The following PIWIL2 variants were observed in gnomAD, a reference collection of about 807,000 sequenced individuals.
PIWIL2 encodes piwi like RNA-mediated gene silencing 2, also known as piwi-like protein 2.
A neutral mutation model predicts 116.5 loss-of-function variants in PIWIL2; 81 were observed. The observed-to-expected ratio is 0.70, with a 90% CI of 0.58 to 0.84. PIWIL2 has a LOEUF of 0.84. Ranked by LOEUF, PIWIL2 falls within the 40% of genes least tolerant of loss-of-function variation. The pLI is 0.00. For synonymous variants in PIWIL2, 489 were observed against 429.5 expected (o/e 1.14, Z -1.71); for missense variants, 1,272 against 1,212.3 (o/e 1.05, Z -0.73).
At chr8:22,309,856 C>T in intron 14 of PIWIL2, 105 bp from the exon 15 acceptor site, 1 of 642,518 alleles carries the variant, frequency 1.6e-6, no homozygotes, top group Admixed American at 2.6e-5. Flanking sequence ...CTAACAGGGA[C>T]AAGTGTCTGT....
At chr8:22,329,150 G>T (rs1197927555) in intron 20 of PIWIL2, among the ~76,000 whole-genome samples, 1 of 152,000 alleles carries the variant, frequency 6.6e-6, no homozygotes, top group African/African-American at 2.4e-5. Context: ...CTCCTAATTT[G>T]CTGAGTATTT....
At position 22,281,225 on chromosome 8, in the gene PIWIL2, T is replaced by G; in HGVS notation, c.286+18T>G. 6.3e-7 allele frequency: 1 copy of G among 1,583,774 alleles called. No homozygotes were observed. Among genetic ancestry groups the G allele is most frequent in the Non-Finnish European group, 8.6e-7 (1 of 1,159,922 alleles). ...TCCATCAGGTATGTGGAAAACTAACTTGAGAAATTTGGTGGTATGTATGAT... is the reference window on the plus strand; with the variant it reads ...TCCATCAGGTATGTGGAAAACTAACGTGAGAAATTTGGTGGTATGTATGAT... On this transcript the variant is annotated intron_variant, in intron 3 of 22. Transcript: ENST00000356766.
intron 20 of PIWIL2, among the ~76,000 whole-genome samples, chr8:22,341,663 A>T (rs966645444): frequency 2.0e-5 from 3 of 151,700 alleles, no homozygotes; most frequent in Non-Finnish European, 4.4e-5. Context: ...TTTGATTTTT[A>T]AAATCTACAA....
chr8:22,318,102 C>A, intron 19 of PIWIL2, 68 bp from the exon 20 acceptor site: 2 of 949,170 alleles, frequency 2.1e-6, no homozygotes, highest in Admixed American at 1.9e-5. Flanking sequence ...TGACATAAGC[C>A]ATAGGCTGTC....
intron 10 of PIWIL2, among the ~76,000 whole-genome samples, chr8:22,295,180 C>T (rs946649147): frequency 4.6e-5 from 7 of 151,750 alleles, no homozygotes; most frequent in African/African-American, 2.4e-5. Context: ...CTCCTTTCTT[C>T]GAGACAAGGT....
At position 22,308,059 on chromosome 8, in the gene PIWIL2, A is replaced by T; in HGVS notation, c.1672A>T (p.Lys558Ter). 1 of 1,613,936 alleles carries T rather than the reference A, an allele frequency of 6.2e-7. No homozygotes were observed. The highest frequency in any genetic ancestry group is 8.5e-7 in the Non-Finnish European group (1 of 1,179,914). Residue 558 changes from lysine to a stop codon, truncating the protein, a stop_gained, in exon 14 of 23, where the codon AAG becomes TAG. Transcript: ENST00000356766. LOFTEE classifies it high-confidence loss of function. ...ELMRWGLRLQ[K>*]DVHKIEGRVL... is the part of the protein sequence containing the mutation. The stretch of plus-strand genomic sequence containing the variant: ...GATGCGTTGGGGGCTCCGTCTGCAA[A>T]AGGATGTACATAAGGTAAACCAAAA...
Position 22,318,035 on chromosome 8 carries a change from T to C in PIWIL2, c.2298-135T>C, listed in dbSNP as rs79588406. 24 of 591,346 alleles carry C rather than the reference T, an allele frequency of 4.1e-5. No homozygotes were observed. The East Asian group carries it at 4.5e-4, about 11-fold the overall frequency. The allele number at this position is 591,346 out of a possible 1,614,324, so 36.6% of individuals were successfully genotyped here. A position where few individuals can be genotyped will look rare whatever the true frequency, so the allele number is the denominator to read the frequency against. On this transcript the variant is annotated intron_variant, in intron 19 of 22. Coordinates refer to ENST00000356766, the MANE Select transcript of PIWIL2 (RefSeq NM_018068.5). The stretch of plus-strand genomic sequence containing the variant: ...CCATGTCACTGCTTGTTCTTACATA[T>C]AAATGCATTTTCTAGGTACTTGTTT...
chr8:22,296,271 T>C (rs1376302465), intron 10 of PIWIL2, among the ~76,000 whole-genome samples: 1 of 152,036 alleles, frequency 6.6e-6, no homozygotes, highest in Non-Finnish European at 1.5e-5. Context: ...GGTCTCGATC[T>C]CTTGACCTTG....
chr8:22,312,211 G>A (rs1450786267), intron 16 of PIWIL2, among the ~76,000 whole-genome samples: 3 of 150,648 alleles, frequency 2.0e-5, no homozygotes, highest in Non-Finnish European at 2.9e-5. Context: ...GCTGCAGTGA[G>A]CTATGATCAT....
chr8:22,314,254 A>C (rs79526373), intron 16 of PIWIL2, 74 bp from the exon 17 acceptor site: 40,672 of 671,114 alleles, frequency 0.061, 1,538 homozygotes, highest in Admixed American at 0.1. Flanking sequence ...TACTCAGAAT[A>C]CTGCCAACTA....
Position 22,281,476 on chromosome 8 carries a change from G to T in PIWIL2, c.386G>T (p.Gly129Val). ...TFWDPKVLAAGDSKMAETSVG... is the reference protein window; with the variant it reads ...TFWDPKVLAAVDSKMAETSVG... Reference sequence around the variant, plus strand: ...TGGGATCCAAAAGTGTTGGCGGCTGGGGACAGCAAGATGGCAGAGACCTCC... The same window carrying T: ...TGGGATCCAAAAGTGTTGGCGGCTGTGGACAGCAAGATGGCAGAGACCTCC... The change falls in exon 4 of 23, where the codon GGG (glycine) becomes GTG (valine). Residue 129 changes from glycine to valine, a missense_variant. By Grantham distance (109) the Gly-to-Val change is moderately radical (BLOSUM62 -3). Transcript: ENST00000356766. 1.3e-6 allele frequency: 2 copies of T among 1,598,724 alleles called. No homozygotes were observed. Among genetic ancestry groups the T allele is most frequent in the Non-Finnish European group, 1.7e-6 (2 of 1,176,614 alleles).
At chr8:22,351,546 T>C (rs1586603018) in intron 20 of PIWIL2, among the ~76,000 whole-genome samples, 1 of 146,204 alleles carries the variant, frequency 6.8e-6, no homozygotes, top group East Asian at 2.0e-4. Flanking sequence ...GTTTTTTTGT[T>C]TTTTGTTTTG....
chr8:22,289,447 G>A (rs78430886), intron 8 of PIWIL2, among the ~76,000 whole-genome samples: 5,261 of 152,252 alleles, frequency 0.035, 150 homozygotes, highest in Non-Finnish European at 0.049. Flanking sequence ...CACCGCGCCC[G>A]GCCCATGGAA....
At position 22,308,021 on chromosome 8, in the gene PIWIL2, C is replaced by T. The variant is rs753914782; in HGVS notation, c.1634C>T (p.Ala545Val). 1.9e-6 allele frequency: 3 copies of T among 1,613,896 alleles called. No individual in the cohort carries two copies. The highest frequency in any genetic ancestry group is 2.5e-6 in the Non-Finnish European group (3 of 1,179,932). ...LLQRIAKNEAATNELMRWGLR... is the reference protein window; with the variant it reads ...LLQRIAKNEAVTNELMRWGLR... ...CAAAGAATTGCAAAGAACGAGGCAG[C>T]CACCAATGAACTGATGCGTTGGGGG... The change falls in exon 14 of 23, where the codon GCC becomes GTC. Residue 545 changes from alanine to valine, a missense_variant. Transcript: ENST00000356766.
intron 6 of PIWIL2, among the ~76,000 whole-genome samples, chr8:22,285,955 A>G (rs768225566): frequency 2.0e-5 from 3 of 152,164 alleles, no homozygotes; most frequent in African/African-American, 4.8e-5. Flanking sequence ...AGAAACTTCT[A>G]TACTATTTCT....
chr8:22,290,613 ATTTT>A (rs34573190), intron 10 of PIWIL2, among the ~76,000 whole-genome samples: 107 of 114,100 alleles, frequency 9.4e-4, no homozygotes, highest in Non-Finnish European at 1.6e-3. Context: ...CCAATTTTTA[ATTTT>A]TTTTTTTTTT....
intron 16 of PIWIL2, among the ~76,000 whole-genome samples, chr8:22,313,503 G>A (rs554091921): frequency 1.4e-3 from 209 of 152,338 alleles, no homozygotes; most frequent in African/African-American, 4.7e-3. Context: ...CCTGTTTGCT[G>A]TGTCCAGTCC....
chr8:22,348,030 C>G (rs1458976359), intron 20 of PIWIL2, among the ~76,000 whole-genome samples: 1 of 152,114 alleles, frequency 6.6e-6, no homozygotes, highest in Non-Finnish European at 1.5e-5. Context: ...AGCACAGTGG[C>G]CCACGCCTGT....
chr8:22,345,703 C>T (rs1044424052), intron 20 of PIWIL2, among the ~76,000 whole-genome samples: 8 of 152,074 alleles, frequency 5.3e-5, no homozygotes, highest in Admixed American at 2.6e-4. Flanking sequence ...CACAAATGTC[C>T]ACAAATTGAT....
Sources: gnomAD v4.1 joint callset for allele counts (sites outside exome capture counted in the v4.1 genomes callset) on GRCh38, gnomAD v4.1.1 for gene constraint, MANE v1.5 for transcripts, NCBI Gene and HGNC (gene_info 2026-07-23, HGNC 2026-07-21) for gene names.